Variants in PALM2AKAP2 observed in about 807,000 individuals in gnomAD.
PALM2AKAP2 encodes PALM2-AKAP2 fusion protein.
A neutral mutation model predicts 71.5 loss-of-function variants in PALM2AKAP2; 37 were observed. The observed-to-expected ratio is 0.52, with a 90% CI of 0.40 to 0.68. The LOEUF is 0.68. Among genes scored for constraint, PALM2AKAP2 ranks in the 30% least tolerant of loss-of-function variants. The pLI is 0.00. For synonymous variants in PALM2AKAP2, 468 were observed against 478.8 expected (o/e 0.98, Z 0.29); for missense variants, 1,224 against 1,191.8 (o/e 1.03, Z -0.40).
intron 6 of PALM2AKAP2, among the ~76,000 whole-genome samples, chr9:109,990,512 G>A (rs554279297): frequency 2.0e-5 from 3 of 152,248 alleles, no homozygotes; most frequent in South Asian, 2.1e-4. Flanking sequence ...CTATGTAAGC[G>A]TACCCCAAGT....
At chr9:110,140,167 C>T (rs1835991028) in intron 2 of PALM2AKAP2, among the ~76,000 whole-genome samples, 1 of 152,114 alleles carries the variant, frequency 6.6e-6, no homozygotes, top group Admixed American at 6.6e-5. Flanking sequence ...TCATGGATTC[C>T]TGTGATATTC....
At chr9:109,943,625 CA>C in intron 6 of PALM2AKAP2, 1 of 669,686 alleles carries the variant, frequency 1.5e-6, no homozygotes, top group Non-Finnish European at 2.5e-6. Flanking sequence ...TCATTCTCTC[CA>C]AGAACTTGCT....
intron 1 of PALM2AKAP2, among the ~76,000 whole-genome samples, chr9:109,773,272 A>G (rs1360664955): frequency 6.6e-6 from 1 of 151,964 alleles, no homozygotes; most frequent in Non-Finnish European, 1.5e-5. Flanking sequence ...AGTAGGTGGG[A>G]CTACAACCAT....
intron 6 of PALM2AKAP2, among the ~76,000 whole-genome samples, chr9:110,010,347 A>G (rs764607281): frequency 6.6e-6 from 1 of 151,566 alleles, no homozygotes; most frequent in Non-Finnish European, 1.5e-5. Context: ...CAGCAAAGGG[A>G]GAAGAGGAAT....
intron 6 of PALM2AKAP2, among the ~76,000 whole-genome samples, chr9:109,964,094 A>G (rs1186296295): frequency 6.6e-6 from 1 of 152,264 alleles, no homozygotes; most frequent in Non-Finnish European, 1.5e-5. Flanking sequence ...GTAAGAGAGA[A>G]CATAAAATAT....
chr9:110,048,622 G>A, upstream of PALM2AKAP2: 1 of 1,405,390 alleles, frequency 7.1e-7, no homozygotes, highest in South Asian at 1.5e-5. Flanking sequence ...CGAGGAGGCG[G>A]GGAAGGGGCG....
chr9:110,132,548 T>C (rs975768108), intron 1 of PALM2AKAP2, among the ~76,000 whole-genome samples: 2 of 152,114 alleles, frequency 1.3e-5, no homozygotes, highest in African/African-American at 2.4e-5. Context: ...CAGGCTGGTC[T>C]CAAACTCCTG....
chr9:109,808,522 A>G, intron 1 of PALM2AKAP2, among the ~76,000 whole-genome samples: 1 of 152,342 alleles, frequency 6.6e-6, no homozygotes, highest in African/African-American at 2.4e-5. Flanking sequence ...AGTTTTATAT[A>G]TTCACAAATA....
chr9:109,973,121 C>A (rs1022202576), intron 6 of PALM2AKAP2, among the ~76,000 whole-genome samples: 4 of 152,138 alleles, frequency 2.6e-5, no homozygotes, highest in Non-Finnish European at 5.9e-5. Context: ...AAAAAAAAAT[C>A]TACTTCTTTT....
chr9:110,132,433 G>A (rs73534827), intron 1 of PALM2AKAP2, among the ~76,000 whole-genome samples: 3,193 of 151,100 alleles, frequency 0.021, 101 homozygotes, highest in African/African-American at 0.073. Context: ...TCTGCTCTCC[G>A]GGTTCAAGAG....
intron 6 of PALM2AKAP2, among the ~76,000 whole-genome samples, chr9:109,996,234 G>A (rs904044912): frequency 2.6e-5 from 4 of 152,192 alleles, no homozygotes; most frequent in African/African-American, 9.7e-5. Context: ...AGTAAAATAA[G>A]GGTGGCAAAC....
At chr9:109,981,396 A>G (rs1832267194) in intron 6 of PALM2AKAP2, among the ~76,000 whole-genome samples, 1 of 152,220 alleles carries the variant, frequency 6.6e-6, no homozygotes, top group Non-Finnish European at 1.5e-5. Context: ...AAGGGTTGAG[A>G]GAACAGAGAA....
At chr9:109,759,954 G>A (rs1244990859) in intron 1 of PALM2AKAP2, among the ~76,000 whole-genome samples, 3 of 152,094 alleles carry the variant, frequency 2.0e-5, no homozygotes, top group Non-Finnish European at 4.4e-5. Context: ...ACAGTTCAAC[G>A]TGTTTTGACA....
chr9:109,930,349 T>G (rs189358576), intron 5 of PALM2AKAP2, among the ~76,000 whole-genome samples: 1 of 151,648 alleles, frequency 6.6e-6, no homozygotes, highest in Non-Finnish European at 1.5e-5. Flanking sequence ...CCTCAGCCCC[T>G]CTAGTAGCTG....
intron 6 of PALM2AKAP2, among the ~76,000 whole-genome samples, chr9:109,973,286 T>C (rs1230639597): frequency 6.6e-6 from 1 of 152,224 alleles, no homozygotes; most frequent in Non-Finnish European, 1.5e-5. Context: ...TGACAGGCAC[T>C]GTATACCAGT....
chr9:109,793,590 A>G (rs569334029), intron 1 of PALM2AKAP2, among the ~76,000 whole-genome samples: 1 of 152,306 alleles, frequency 6.6e-6, no homozygotes, highest in East Asian at 1.9e-4. Flanking sequence ...CAGAATCACA[A>G]GGAGGCAAGG....
At chr9:109,993,500 C>A (rs1376472818) in intron 6 of PALM2AKAP2, among the ~76,000 whole-genome samples, 2 of 152,178 alleles carry the variant, frequency 1.3e-5, no homozygotes, top group Non-Finnish European at 2.9e-5. Context: ...CACTGACCAC[C>A]TCCTGAGGAA....
chr9:109,697,970 G>A (rs1364323012), intron 1 of PALM2AKAP2, among the ~76,000 whole-genome samples: 4 of 152,116 alleles, frequency 2.6e-5, no homozygotes, highest in African/African-American at 9.7e-5. Context: ...ACCATTATTA[G>A]TGCTTTTGGC....
At chr9:109,646,463 C>T (rs538571152) in intron 1 of PALM2AKAP2, among the ~76,000 whole-genome samples, 52 of 152,332 alleles carry the variant, frequency 3.4e-4, no homozygotes, top group Non-Finnish European at 5.4e-4. Flanking sequence ...CCAGAAGTGG[C>T]ATTCCCCATC....
Sources: allele counts gnomAD v4.1 joint callset (sites outside exome capture counted in the v4.1 genomes callset), GRCh38; gene constraint gnomAD v4.1.1; transcripts MANE v1.5; gene names NCBI Gene and HGNC (gene_info 2026-07-23, HGNC 2026-07-21).